Variants in CNTNAP2 observed in about 807,000 individuals in gnomAD.
CNTNAP2 encodes contactin associated protein 2, also known as contactin-associated protein-like 2.
CNTNAP2 carries 98 observed loss-of-function variants against 155.2 expected under a neutral mutation model. The observed-to-expected ratio is 0.63, with a 90% CI of 0.54 to 0.75. The LOEUF (loss-of-function observed/expected upper bound fraction) is 0.75, where lower values mean the gene tolerates loss of function less well. CNTNAP2 is among the 30% of genes least tolerant of loss of function. The pLI is 0.00. For synonymous variants in CNTNAP2, 651 were observed against 631.2 expected (o/e 1.03, Z -0.47); for missense variants, 1,727 against 1,688.1 (o/e 1.02, Z -0.40).
At chr7:146,685,662 G>A (rs1245007601) in intron 1 of CNTNAP2, among the ~76,000 whole-genome samples, 1 of 152,008 alleles carries the variant, frequency 6.6e-6, no homozygotes, top group Non-Finnish European at 1.5e-5. Context: ...ATAACAATGT[G>A]GAAAGGAGTA....
At chr7:147,647,547 C>T (rs748208571) in intron 13 of CNTNAP2, among the ~76,000 whole-genome samples, 1 of 152,168 alleles carries the variant, frequency 6.6e-6, no homozygotes, top group Non-Finnish European at 1.5e-5. Context: ...TATCACTTAG[C>T]AGTTGATTAT....
chr7:147,260,186 C>T (rs1804425294), intron 8 of CNTNAP2, among the ~76,000 whole-genome samples: 1 of 152,186 alleles, frequency 6.6e-6, no homozygotes, highest in African/African-American at 2.4e-5. Flanking sequence ...TCATGGCTTC[C>T]TAGTTTGCAA....
chr7:147,934,826 T>C (rs1033721366), intron 14 of CNTNAP2, among the ~76,000 whole-genome samples: 1 of 152,200 alleles, frequency 6.6e-6, no homozygotes, highest in African/African-American at 2.4e-5. Context: ...TTACATCCTA[T>C]TCACAATATG....
At chr7:147,223,850 A>C (rs1803460784) in intron 8 of CNTNAP2, among the ~76,000 whole-genome samples, 1 of 151,790 alleles carries the variant, frequency 6.6e-6, no homozygotes, top group Admixed American at 6.6e-5. Context: ...CCAAGGCAGA[A>C]GAATCGCTTG....
chr7:147,653,030 T>G (rs1795472185), intron 13 of CNTNAP2, among the ~76,000 whole-genome samples: 1 of 152,168 alleles, frequency 6.6e-6, no homozygotes, highest in Admixed American at 6.5e-5. Context: ...ATATAACAAT[T>G]TGTTTGAAAT....
chr7:147,970,815 T>A (rs1328213190), intron 14 of CNTNAP2, among the ~76,000 whole-genome samples: 2 of 152,132 alleles, frequency 1.3e-5, no homozygotes, highest in African/African-American at 2.4e-5. Flanking sequence ...AGTCCCTAAA[T>A]CTAGTTTGGA....
intron 5 of CNTNAP2, among the ~76,000 whole-genome samples, chr7:147,120,298 T>A (rs1801076303): frequency 6.6e-6 from 1 of 152,160 alleles, no homozygotes; most frequent in African/African-American, 2.4e-5. Context: ...ACTCATTGAA[T>A]CCTCATGCAA....
intron 11 of CNTNAP2, among the ~76,000 whole-genome samples, chr7:147,488,362 T>A (rs2116643200): frequency 6.6e-6 from 1 of 152,314 alleles, no homozygotes; most frequent in Middle Eastern, 3.4e-3. Flanking sequence ...TGACTTTTCT[T>A]GCACTTTGTT....
At chr7:146,875,934 C>CAAAAAAAAAAAAAAAAAAAAAA (rs56304234) in intron 3 of CNTNAP2, among the ~76,000 whole-genome samples, 1 of 55,134 alleles carries the variant, frequency 1.8e-5, no homozygotes, top group Non-Finnish European at 3.4e-5. Flanking sequence ...ACATACACAG[C>CAAAAAAAAAAAAAAAAAAAAAA]AAAAAAAAAA....
chr7:146,469,995 A>G (rs1457674756), intron 1 of CNTNAP2, among the ~76,000 whole-genome samples: 3 of 151,650 alleles, frequency 2.0e-5, no homozygotes, highest in East Asian at 1.9e-4. Context: ...GCCCACCACC[A>G]CGCCCGGCTA....
intron 1 of CNTNAP2, among the ~76,000 whole-genome samples, chr7:146,670,124 T>C (rs573353055): frequency 6.6e-6 from 1 of 152,346 alleles, no homozygotes; most frequent in East Asian, 1.9e-4. Flanking sequence ...TTTAAGAAGC[T>C]AATATTTTAG....
intron 13 of CNTNAP2, chr7:147,831,997 T>C (rs2116636590): frequency 6.6e-6 from 1 of 152,036 alleles, no homozygotes; most frequent in East Asian, 1.9e-4. Context: ...ACACCTACAA[T>C]GTACCCACGA....
chr7:147,321,640 C>A (rs577518870), intron 9 of CNTNAP2, among the ~76,000 whole-genome samples: 1 of 152,106 alleles, frequency 6.6e-6, no homozygotes, highest in South Asian at 2.1e-4. Context: ...AGTGCCAGTG[C>A]GCAAGAGCAC....
intron 13 of CNTNAP2, among the ~76,000 whole-genome samples, chr7:147,723,062 G>A (rs1796588496): frequency 6.6e-6 from 1 of 152,092 alleles, no homozygotes; most frequent in African/African-American, 2.4e-5. Flanking sequence ...AGGAAACTTA[G>A]GGCTTGAGAA....
chr7:148,090,752 A>T (rs1033610516), intron 15 of CNTNAP2, among the ~76,000 whole-genome samples: 2 of 152,146 alleles, frequency 1.3e-5, no homozygotes, highest in African/African-American at 4.8e-5. Flanking sequence ...TTGGCTACAT[A>T]TCCAAAGGAA....
intron 1 of CNTNAP2, among the ~76,000 whole-genome samples, chr7:146,318,217 A>G (rs553719258): frequency 6.6e-6 from 1 of 152,022 alleles, no homozygotes; most frequent in Non-Finnish European, 1.5e-5. Flanking sequence ...AATGATTATG[A>G]AATATATAGC....
intron 8 of CNTNAP2, among the ~76,000 whole-genome samples, chr7:147,262,278 T>C (rs1804490844): frequency 1.3e-5 from 2 of 152,334 alleles, no homozygotes; most frequent in African/African-American, 2.4e-5. Flanking sequence ...AGCTCAAGCA[T>C]TGAAAGAGAA....
At chr7:146,543,514 T>G (rs1454496542) in intron 1 of CNTNAP2, among the ~76,000 whole-genome samples, 1 of 151,862 alleles carries the variant, frequency 6.6e-6, no homozygotes, top group Admixed American at 6.6e-5. Flanking sequence ...ACCAGAGCGG[T>G]TGTTAAAGAT....
At chr7:147,431,219 T>G (rs566528071) in intron 10 of CNTNAP2, among the ~76,000 whole-genome samples, 1 of 152,300 alleles carries the variant, frequency 6.6e-6, no homozygotes, top group East Asian at 1.9e-4. Context: ...TTTTATTTGA[T>G]AAATATTTCT....
Sources: allele counts gnomAD v4.1 joint callset (sites outside exome capture counted in the v4.1 genomes callset), GRCh38; gene constraint gnomAD v4.1.1; transcripts MANE v1.5; gene names NCBI Gene and HGNC (gene_info 2026-07-23, HGNC 2026-07-21).